The following ARHGEF12 variants were observed in gnomAD, a reference collection of about 807,000 sequenced individuals.
ARHGEF12 encodes KMT2A/ARHGEF12 fusion protein.
A neutral mutation model predicts 211.2 loss-of-function variants in ARHGEF12; 66 were observed. The ratio of observed to expected loss-of-function variants is 0.31; its 90% confidence interval spans 0.26 to 0.38. ARHGEF12 has a LOEUF of 0.38. Among genes scored for constraint, ARHGEF12 ranks in the 10% least tolerant of loss-of-function variants. The pLI is 1.00. For synonymous variants in ARHGEF12, 592 were observed against 638.4 expected, an observed-to-expected ratio of 0.93 and a Z score of 1.09; for missense variants, 1,429 against 1,869.5, an observed-to-expected ratio of 0.76 and a Z score of 4.34.
At chr11:120,372,653 GGCTTTTTTT>G (rs1487033268) in intron 1 of ARHGEF12, among the ~76,000 whole-genome samples, 8 of 151,906 alleles carry the variant, frequency 5.3e-5, no homozygotes, top group Non-Finnish European at 1.2e-4. Context: ...GTTTTTATGG[GGCTTTTTTT>G]CCCTATAATT....
chr11:120,338,559 C>T (rs911918067), intron 1 of ARHGEF12, among the ~76,000 whole-genome samples: 2 of 152,098 alleles, frequency 1.3e-5, no homozygotes, highest in African/African-American at 4.8e-5. Flanking sequence ...TAATTTTTAA[C>T]TTTTCCAAGA....
intron 1 of ARHGEF12, among the ~76,000 whole-genome samples, chr11:120,343,237 A>C (rs892084288): frequency 7.2e-5 from 11 of 152,206 alleles, no homozygotes; most frequent in Non-Finnish European, 1.6e-4. Context: ...TATTTTCTTT[A>C]GTACTATTTT....
rs1326022643 is a variant in ARHGEF12, at chr11:120,337,102, C to T, written c.-142C>T. 3.1e-6 allele frequency: 3 copies of T among 975,834 alleles called. No homozygotes were observed. The highest frequency in any genetic ancestry group is 4.8e-6 in the Non-Finnish European group (3 of 619,446). The allele number at this position is 975,834 out of a possible 1,614,324, so 60.4% of individuals were successfully genotyped here. ...CGTTGACCCCTTACAGTCGGATGGT[C>T]TAGATGACTGAATGGAGTTTTGAGT... On this transcript the variant is annotated 5_prime_UTR_variant, in exon 1 of 41. Transcript: ENST00000397843.
At chr11:120,392,094 G>T (rs114490512) in intron 1 of ARHGEF12, among the ~76,000 whole-genome samples, 1 of 152,120 alleles carries the variant, frequency 6.6e-6, no homozygotes, top group Non-Finnish European at 1.5e-5. Context: ...TACTTCTGTG[G>T]ATCTCATTTC....
At chr11:120,471,166 C>T (rs1946853123) in intron 30 of ARHGEF12, among the ~76,000 whole-genome samples, 1 of 152,076 alleles carries the variant, frequency 6.6e-6, no homozygotes, top group Non-Finnish European at 1.5e-5. Context: ...GACCAGAATG[C>T]TTATAGCAAC....
At chr11:120,430,896 C>T (rs1056878884) in intron 10 of ARHGEF12, among the ~76,000 whole-genome samples, 1 of 151,990 alleles carries the variant, frequency 6.6e-6, no homozygotes, top group African/African-American at 2.4e-5. Flanking sequence ...GTCCCAGTAG[C>T]GATGTCACAT....
chr11:120,468,748 GC>G (rs1225814532), intron 29 of ARHGEF12, among the ~76,000 whole-genome samples: 17 of 152,228 alleles, frequency 1.1e-4, no homozygotes, highest in Admixed American at 8.5e-4. Flanking sequence ...ACCTTGCCTT[GC>G]CGCCTCAATA....
In ARHGEF12 at chr11:120,476,766, C is replaced by T; in HGVS notation, c.3365+18C>T. 1 of 1,556,022 alleles carries T rather than the reference C, an allele frequency of 6.4e-7. No homozygotes were observed. Among genetic ancestry groups the T allele is most frequent in the Non-Finnish European group, 8.8e-7 (1 of 1,135,000 alleles). On this transcript the variant is annotated intron_variant, in intron 34 of 40. Transcript: ENST00000397843. ...AAGACTGTGTATGTATCAGATATGG[C>T]TACCTTGCTATAGCTAATATTTTCA... is the stretch of plus-strand genomic sequence containing the variant.
intron 23 of ARHGEF12, 104 bp downstream of exon 23, chr11:120,457,354 G>C: frequency 7.3e-7 from 1 of 1,374,790 alleles, no homozygotes; most frequent in Non-Finnish European, 9.8e-7. Flanking sequence ...GCCTGGCATG[G>C]TGGTATGTAC....
At position 120,340,894 on chromosome 11, in the gene ARHGEF12, A is replaced by G. The variant is rs116147917; in HGVS notation, c.32+3619A>G. ...ATCTAAAGTAACTTTTTTTGAAAGT[A>G]CAGTGTTGTAGTCTTCCTGATTAAT... On this transcript the variant is annotated intron_variant, in intron 1 of 40. Coordinates refer to ENST00000397843, the MANE Select transcript of ARHGEF12 (RefSeq NM_015313.3). Among the ~76,000 whole-genome samples the G allele has an allele frequency of 3.7e-3, 561 of 152,316 alleles. 3 individuals are homozygous for G. Among genetic ancestry groups the G allele is most frequent in the African/African-American group, 0.012 (497 of 41,570 alleles).
chr11:120,432,253 T>C (rs570951042), intron 11 of ARHGEF12, among the ~76,000 whole-genome samples: 1 of 152,326 alleles, frequency 6.6e-6, no homozygotes, highest in African/African-American at 2.4e-5. Context: ...CATGTTAATA[T>C]TCCATTTGTG....
At position 120,446,459 on chromosome 11, in the gene ARHGEF12, A is replaced by G. The variant is rs201670344; in HGVS notation, c.1402A>G (p.Met468Val). Reference sequence around the variant, plus strand: ...TCTGCATCGCCACTATATCCAAACTATGCAAGAAAGAGTCCATCCAGAAGT... The same window carrying G: ...TCTGCATCGCCACTATATCCAAACTGTGCAAGAAAGAGTCCATCCAGAAGT... ...EDLHRHYIQTMQERVHPEVQR... is the reference protein window; with the variant it reads ...EDLHRHYIQTVQERVHPEVQR... The change falls in exon 17 of 41, where the codon ATG (methionine) becomes GTG (valine). Residue 468 changes from methionine to valine, a missense_variant. Physicochemically the swap from Met to Val is conservative, Grantham distance 21. Around this residue, in one of 7 missense-constraint regions of ARHGEF12, gnomAD observed 373 missense variants for 467.5 expected, o/e 0.80. Transcript: ENST00000397843. 40 of 1,613,366 alleles carry G rather than the reference A, an allele frequency of 2.5e-5. No homozygotes were observed. The highest frequency in any genetic ancestry group is 1.6e-4 in the Middle Eastern group (1 of 6,082).
At chr11:120,478,035 A>G (rs961844142) in intron 36 of ARHGEF12, 121 bp from the exon 37 acceptor site, 7 of 697,848 alleles carry the variant, frequency 1.0e-5, no homozygotes, top group Non-Finnish European at 1.6e-5. Context: ...ATTTTTCTTA[A>G]CAGATGATCT....
chr11:120,457,742 A>T lies in ARHGEF12; in HGVS notation c.2211A>T (p.Pro737=). Residue 737 remains proline (P), a synonymous_variant, in exon 24 of 41, where the codon CCA becomes CCT. Coordinates refer to ENST00000397843, the MANE Select transcript of ARHGEF12 (RefSeq NM_015313.3). ...TTAGGGTGACTGAACATGGGACACC[A>T]AAGCCCTTTCGAAAGTAAGTAAATC... ...EVERVTEHGT[P]KPFRKFDSVA... The T allele has an allele frequency of 6.2e-7, 1 of 1,609,182 alleles. No individual in the cohort carries two copies. Among genetic ancestry groups the T allele is most frequent in the Non-Finnish European group, 8.5e-7 (1 of 1,177,894 alleles).
rs573254140 is a variant in ARHGEF12 at position 120,481,686 on chromosome 11, T to G, written c.4554+110T>G. ...TCAATAAACTTGTTCAGGTTCTAGA[T>G]TTCTTTGACTATTATCCATGAATAG... On this transcript the variant is annotated intron_variant, in intron 39 of 40. Coordinates refer to ENST00000397843, the MANE Select transcript of ARHGEF12 (RefSeq NM_015313.3). 5.2e-5 allele frequency: 55 copies of G among 1,048,760 alleles called. No individual in the cohort carries two copies. The African/African-American group carries it at 7.7e-4, about 15-fold the overall frequency. 65.0% of individuals were successfully genotyped at this position (1,048,760 alleles called of 1,614,324 possible).
intron 1 of ARHGEF12, among the ~76,000 whole-genome samples, chr11:120,396,435 A>G (rs1248530858): frequency 6.6e-6 from 1 of 151,930 alleles, no homozygotes; most frequent in East Asian, 1.9e-4. Context: ...TCGAGCAACC[A>G]CTCCCTTAAC....
At chr11:120,395,424 A>G (rs751634984) in intron 1 of ARHGEF12, among the ~76,000 whole-genome samples, 2 of 152,208 alleles carry the variant, frequency 1.3e-5, no homozygotes, top group African/African-American at 2.4e-5. Context: ...TTAGATTAGA[A>G]TTAGAGATAT....
chr11:120,442,345 A>AC (rs1259068846), intron 15 of ARHGEF12, 143 bp downstream of exon 15: 1 of 536,552 alleles, frequency 1.9e-6, no homozygotes, highest in East Asian at 3.9e-5. Context: ...ATTACTCTAG[A>AC]CTTTTTTTTT....
At chr11:120,375,380 TTA>T (rs1943696811) in intron 1 of ARHGEF12, among the ~76,000 whole-genome samples, 2 of 152,150 alleles carry the variant, frequency 1.3e-5, no homozygotes, top group Admixed American at 6.5e-5. Flanking sequence ...ACCTTTCCTT[TTA>T]TGTTTTCTCT....
Sources: gnomAD v4.1 joint callset for allele counts (sites outside exome capture counted in the v4.1 genomes callset) on GRCh38, gnomAD v4.1.1 for gene constraint, gnomAD v4.1.1 regional missense constraint, MANE v1.5 for transcripts, NCBI Gene and HGNC (gene_info 2026-07-23, HGNC 2026-07-21) for gene names.